Variants in PLCG2 observed in about 807,000 individuals in gnomAD.
PLCG2 encodes the protein 1-phosphatidylinositol 4,5-bisphosphate phosphodiesterase gamma-2.
A neutral mutation model predicts 175.6 loss-of-function variants in PLCG2; 69 were observed. The observed-to-expected ratio is 0.39, with a 90% CI of 0.32 to 0.48. PLCG2 has a LOEUF of 0.48. Among genes scored for constraint, PLCG2 ranks in the 20% least tolerant of loss-of-function variants. The probability of loss-of-function intolerance (pLI) is 0.91; values close to 1 mark genes in which losing one functional copy is unlikely to be tolerated. For missense variants in PLCG2, 1,798 were observed against 1,650.9 expected, an observed-to-expected ratio of 1.09 and a Z score of -1.54; for synonymous variants, 827 against 624.0, an observed-to-expected ratio of 1.33 and a Z score of -4.85.
upstream of PLCG2, among the ~76,000 whole-genome samples, chr16:81,776,198 T>A (rs1347844606): frequency 6.6e-6 from 1 of 150,886 alleles, no homozygotes; most frequent in Admixed American, 6.6e-5. Context: ...AAGCTCCACC[T>A]CCTGGGTTCA....
At chr16:81,912,870 C>T (rs372512341) in intron 19 of PLCG2, among the ~76,000 whole-genome samples, 154 bp downstream of exon 19, 4 of 152,254 alleles carry the variant, frequency 2.6e-5, no homozygotes, top group Admixed American at 1.3e-4. Flanking sequence ...AAAGCCGCTG[C>T]GAGAATGTGC....
chr16:81,875,066 C>T (rs1795969320), intron 7 of PLCG2, among the ~76,000 whole-genome samples: 3 of 149,854 alleles, frequency 2.0e-5, no homozygotes, highest in African/African-American at 4.9e-5. Flanking sequence ...CGGGTTCAAG[C>T]GATTCTCCTG....
intron 2 of PLCG2, among the ~76,000 whole-genome samples, chr16:81,838,877 C>A (rs957444666): frequency 6.6e-6 from 1 of 151,370 alleles, no homozygotes; most frequent in Admixed American, 6.6e-5. Flanking sequence ...AGCATGGGTC[C>A]ACCTCTGTGG....
chr16:81,771,420 A>G (rs1296942969), intron 2 of PLCG2, among the ~76,000 whole-genome samples: 3 of 152,180 alleles, frequency 2.0e-5, no homozygotes, highest in Non-Finnish European at 4.4e-5. Flanking sequence ...CTTGTTTTAG[A>G]CAAAGCTTCC....
chr16:81,851,159 A>C (rs1413643859), intron 2 of PLCG2, among the ~76,000 whole-genome samples: 3 of 152,194 alleles, frequency 2.0e-5, no homozygotes, highest in Middle Eastern at 3.2e-3. Context: ...CATAATTGAG[A>C]AGTGTCTTTA....
chr16:81,851,502 G>A (rs1050986602), intron 2 of PLCG2, among the ~76,000 whole-genome samples: 2 of 151,996 alleles, frequency 1.3e-5, no homozygotes, highest in Non-Finnish European at 2.9e-5. Context: ...TTTTCACATG[G>A]CCTTTTTGTT....
At chr16:81,898,714 T>A (rs771178974) in intron 13 of PLCG2, 18 of 152,150 alleles carry the variant, frequency 1.2e-4, no homozygotes, top group Non-Finnish European at 2.5e-4. Flanking sequence ...CTTGGATAAC[T>A]GGGGAAATTT....
At chr16:81,846,939 A>G (rs1906152236) in intron 2 of PLCG2, among the ~76,000 whole-genome samples, 1 of 152,120 alleles carries the variant, frequency 6.6e-6, no homozygotes, top group African/African-American at 2.4e-5. Flanking sequence ...ATTGGACACC[A>G]GTTTGGTGTC....
At chr16:81,769,907 T>G (rs1910241307) in intron 2 of PLCG2, among the ~76,000 whole-genome samples, 1 of 150,588 alleles carries the variant, frequency 6.6e-6, no homozygotes, top group Non-Finnish European at 1.5e-5. Flanking sequence ...CACCTGCCGG[T>G]CGCTTAATGC....
In PLCG2 at chr16:81,900,752, G is replaced by A. The variant is rs1198724568; in HGVS notation, c.1334G>A (p.Ser445Asn). 2 of 1,603,792 alleles carry A rather than the reference G, an allele frequency of 1.2e-6. No individual in the cohort carries two copies. The highest frequency in any genetic ancestry group is 8.5e-7 in the Non-Finnish European group (1 of 1,171,402). Reference sequence around the variant, plus strand: ...AGTGCTGACCAGCTGCCCTCGCCCAGCCAGCTGCGGGAGAAGATCATCATC... The same window carrying A: ...AGTGCTGACCAGCTGCCCTCGCCCAACCAGCTGCGGGAGAAGATCATCATC... ...EASADQLPSP[S>N]QLREKIIIKH... The change falls in exon 14 of 33, where the codon AGC becomes AAC. Residue 445 changes from serine to asparagine, a missense_variant. By Grantham distance (46) the Ser-to-Asn change is conservative. Transcript: ENST00000564138.
intron 3 of PLCG2, among the ~76,000 whole-genome samples, chr16:81,857,147 G>C (rs1355384125): frequency 6.6e-6 from 1 of 152,180 alleles, no homozygotes; most frequent in East Asian, 1.9e-4. Context: ...CTGAACCTTT[G>C]ATATACTTTG....
intron 2 of PLCG2, among the ~76,000 whole-genome samples, chr16:81,828,738 C>T (rs761664976): frequency 1.3e-4 from 20 of 152,148 alleles, no homozygotes; most frequent in Non-Finnish European, 2.2e-4. Flanking sequence ...CTCAGCCTTC[C>T]GAAGCTGCTG....
At chr16:81,941,420 T>A (rs74029308) in intron 30 of PLCG2, among the ~76,000 whole-genome samples, 2,211 of 152,272 alleles carry the variant, frequency 0.015, 50 homozygotes, top group African/African-American at 0.05. Flanking sequence ...TCTGCATCTT[T>A]AGGCAGCTCC....
rs77239147 is a variant in PLCG2, at chr16:81,899,338, G to A, written c.1194-1274G>A. On this transcript the variant is annotated intron_variant, in intron 13 of 32. Coordinates refer to ENST00000564138, the MANE Select transcript of PLCG2 (RefSeq NM_002661.5). ...TATGTGTGTATATATACGTATATAT[G>A]TATATACATGTACTAATGATATGTG... is the stretch of plus-strand genomic sequence containing the variant. Among the ~76,000 whole-genome samples, 870 of 150,184 alleles carry A rather than the reference G, an allele frequency of 5.8e-3. 6 individuals carry two copies. Among genetic ancestry groups the A allele is most frequent in the African/African-American group, 0.02 (826 of 40,554 alleles).
chr16:81,778,043 CAAAAAAA>C (rs1243068088), upstream of PLCG2, among the ~76,000 whole-genome samples: 148 of 59,740 alleles, frequency 2.5e-3, 9 homozygotes, highest in Middle Eastern at 0.018. Flanking sequence ...AAAAAAAAAA[CAAAAAAA>C]AAAACAAAAA....
At chr16:81,753,384 G>A (rs1485607429) in intron 1 of PLCG2, among the ~76,000 whole-genome samples, 1 of 87,702 alleles carries the variant, frequency 1.1e-5, no homozygotes, top group Non-Finnish European at 2.2e-5. Context: ...GGTTAAATAT[G>A]TATAATATAA....
chr16:81,898,023 A>G lies in PLCG2; in HGVS notation c.1193+2096A>G, dbSNP rs376024516. The stretch of plus-strand genomic sequence containing the variant: ...GGGGTCCTAGCCCTTCTAAGTGCCA[A>G]CCTCCATCAGGCAGATGGAAGGAGC... On this transcript the variant is annotated intron_variant, in intron 13 of 32. Transcript: ENST00000564138. 16 of 354,502 alleles carry G rather than the reference A, an allele frequency of 4.5e-5. No homozygotes were observed. In the Middle Eastern group the frequency reaches 1.5e-3, roughly 34 times the overall value. The allele number at this position is 354,502 out of a possible 1,614,324, so 22.0% of individuals were successfully genotyped here.
At chr16:81,870,776 T>A (rs201608031) in intron 6 of PLCG2, 76 bp from the exon 7 acceptor site, 22 of 739,938 alleles carry the variant, frequency 3.0e-5, no homozygotes, top group Non-Finnish European at 4.0e-5. Context: ...GAAACAAAAA[T>A]TATTCTATAA....
At chr16:81,820,225 A>G (rs948279342) in intron 2 of PLCG2, among the ~76,000 whole-genome samples, 1 of 152,178 alleles carries the variant, frequency 6.6e-6, no homozygotes, top group African/African-American at 2.4e-5. Flanking sequence ...ATGTGTAGAC[A>G]TGTGTAACCA....
Sources: gnomAD v4.1 joint callset for allele counts (sites outside exome capture counted in the v4.1 genomes callset) on GRCh38, gnomAD v4.1.1 for gene constraint, MANE v1.5 for transcripts, NCBI Gene and HGNC (gene_info 2026-07-23, HGNC 2026-07-21) for gene names.